EIF4G3: variants seen among roughly 807,000 people sequenced by gnomAD.
The protein encoded by EIF4G3 is eIF-4-gamma 3.
EIF4G3 carries 34 observed loss-of-function variants against 186.4 expected under a neutral mutation model. That is an observed-to-expected ratio of 0.18 (90% CI 0.14 to 0.24). The LOEUF is 0.24. Among genes scored for constraint, EIF4G3 ranks in the 10% least tolerant of loss-of-function variants. EIF4G3 has a pLI of 1.00. For missense variants in EIF4G3, 1,536 were observed against 1,948.5 expected, an observed-to-expected ratio of 0.79 and a Z score of 3.99; for synonymous variants, 673 against 679.5, an observed-to-expected ratio of 0.99 and a Z score of 0.15.
intron 18 of EIF4G3, among the ~76,000 whole-genome samples, chr1:20,890,404 G>A (rs2085615915): frequency 6.6e-6 from 1 of 152,084 alleles, no homozygotes; most frequent in African/African-American, 2.4e-5. Flanking sequence ...ATCAGAAACT[G>A]CAAAGAGTAG....
chr1:20,916,962 T>A (rs1289042032), intron 14 of EIF4G3, among the ~76,000 whole-genome samples: 1 of 152,226 alleles, frequency 6.6e-6, no homozygotes, highest in African/African-American at 2.4e-5. Flanking sequence ...TATACACCTA[T>A]ATATAACCCT....
chr1:20,953,667 C>T (rs1469679146), intron 12 of EIF4G3, among the ~76,000 whole-genome samples: 2 of 152,128 alleles, frequency 1.3e-5, no homozygotes, highest in Non-Finnish European at 2.9e-5. Flanking sequence ...CTTTTGTCTT[C>T]TATTTTAATC....
intron 28 of EIF4G3, among the ~76,000 whole-genome samples, chr1:20,849,837 C>T (rs566983552): frequency 6.6e-6 from 1 of 152,276 alleles, no homozygotes; most frequent in Admixed American, 6.5e-5. Context: ...GAGGTCTTCA[C>T]AATCCTGCAC....
intron 19 of EIF4G3, among the ~76,000 whole-genome samples, chr1:20,882,641 A>C (rs1365629866): frequency 3.4e-5 from 5 of 146,822 alleles, no homozygotes; most frequent in Middle Eastern, 3.5e-3. Context: ...AAAAAAAAAC[A>C]AAAAAAAATT....
At chr1:20,870,877 C>T (rs974780843) in intron 20 of EIF4G3, among the ~76,000 whole-genome samples, 1 of 152,124 alleles carries the variant, frequency 6.6e-6, no homozygotes, top group East Asian at 1.9e-4. Flanking sequence ...GTGGAGTTGA[C>T]CATGTCTTAT....
chr1:21,011,044 T>C (rs747425846), intron 4 of EIF4G3, among the ~76,000 whole-genome samples: 16 of 152,054 alleles, frequency 1.1e-4, no homozygotes, highest in Non-Finnish European at 1.5e-4. Context: ...TTTTCAACAA[T>C]GATAGAAAAG....
intron 18 of EIF4G3, 177 bp downstream of exon 18, chr1:20,893,337 AAAG>A: frequency 1.7e-6 from 1 of 596,332 alleles, no homozygotes; most frequent in Non-Finnish European, 2.6e-6. Context: ...TGCCAAGTAA[AAAG>A]AACTCAAGTG....
At chr1:21,020,363 GC>G (rs1421082991) in intron 4 of EIF4G3, among the ~76,000 whole-genome samples, 1 of 152,152 alleles carries the variant, frequency 6.6e-6, no homozygotes, top group Non-Finnish European at 1.5e-5. Flanking sequence ...GGTGGTGCAT[GC>G]CTGTGGTCTG....
chr1:20,820,901 A>T (rs899761760), intron 33 of EIF4G3, among the ~76,000 whole-genome samples: 1 of 152,078 alleles, frequency 6.6e-6, no homozygotes, highest in African/African-American at 2.4e-5. Flanking sequence ...TATCCTCTCC[A>T]GAGCCTCCTC....
chr1:21,133,338 C>T (rs1008854842), intron 2 of EIF4G3, among the ~76,000 whole-genome samples: 8 of 152,120 alleles, frequency 5.3e-5, no homozygotes, highest in Non-Finnish European at 1.5e-5. Context: ...AATTCTACTG[C>T]CTCAGCCTCC....
At chr1:20,891,107 A>G (rs1558099915) in intron 18 of EIF4G3, among the ~76,000 whole-genome samples, 1 of 152,250 alleles carries the variant, frequency 6.6e-6, no homozygotes, top group Admixed American at 6.5e-5. Context: ...GTAGGTATAC[A>G]GAGGAGTGGT....
At chr1:20,879,201 TA>T in intron 20 of EIF4G3, 121 bp downstream of exon 20, 1 of 677,364 alleles carries the variant, frequency 1.5e-6, no homozygotes, top group Non-Finnish European at 2.2e-6. Context: ...ATTATATCAA[TA>T]AATACTAAAA....
intron 22 of EIF4G3, 100 bp from the exon 23 acceptor site, chr1:20,862,432 T>C: frequency 1.4e-6 from 1 of 737,628 alleles, no homozygotes; most frequent in Non-Finnish European, 2.1e-6. Context: ...TTTATTTTTT[T>C]AGAGATGGGG....
chr1:20,809,121 G>GCC (rs2058724807), intron 36 of EIF4G3, among the ~76,000 whole-genome samples: 1 of 152,076 alleles, frequency 6.6e-6, no homozygotes, highest in Non-Finnish European at 1.5e-5. Context: ...TTACAGGCAT[G>GCC]CGCCACCACG....
At chr1:20,964,287 A>T (rs2074121745) in intron 12 of EIF4G3, among the ~76,000 whole-genome samples, 1 of 152,210 alleles carries the variant, frequency 6.6e-6, no homozygotes, top group Non-Finnish European at 1.5e-5. Context: ...CATAAATCTA[A>T]GTAACACAGT....
chr1:20,858,305 C>T (rs867898212), intron 24 of EIF4G3, among the ~76,000 whole-genome samples: 8 of 152,150 alleles, frequency 5.3e-5, no homozygotes, highest in South Asian at 2.1e-4. Context: ...CCACTCTCCC[C>T]GTCAGGCCCT....
intron 3 of EIF4G3, among the ~76,000 whole-genome samples, chr1:21,083,094 A>G (rs1204225763): frequency 1.4e-5 from 2 of 144,400 alleles, no homozygotes; most frequent in African/African-American, 5.2e-5. Context: ...TTAGCTGGGC[A>G]CGGTGGCTTG....
At chr1:21,105,844 G>A (rs1303953996) in intron 2 of EIF4G3, among the ~76,000 whole-genome samples, 1 of 152,102 alleles carries the variant, frequency 6.6e-6, no homozygotes, top group Non-Finnish European at 1.5e-5. Flanking sequence ...AGGAGGACTG[G>A]TTGAGGCTAG....
At chr1:21,176,499 G>A (rs2098111311) in intron 1 of EIF4G3, 141 bp from the exon 2 acceptor site, 2 of 162,918 alleles carry the variant, frequency 1.2e-5, no homozygotes, top group African/African-American at 2.5e-5. Flanking sequence ...GGAGGCGGCG[G>A]GAGCGGGGGG....
Sources: gnomAD v4.1 joint callset for allele counts (sites outside exome capture counted in the v4.1 genomes callset) on GRCh38, gnomAD v4.1.1 for gene constraint, MANE v1.5 for transcripts, NCBI Gene and HGNC (gene_info 2026-07-23, HGNC 2026-07-21) for gene names.